Variants in CDH4 observed in about 807,000 individuals in gnomAD.
CDH4 encodes the protein cadherin 4.
CDH4 carries 33 observed loss-of-function variants against 86.0 expected under a neutral mutation model. The observed-to-expected ratio is 0.38, with a 90% CI of 0.29 to 0.51. CDH4 has a LOEUF of 0.51. Ranked by LOEUF, CDH4 falls within the 20% of genes least tolerant of loss-of-function variation. CDH4 has a pLI of 0.86. For missense variants in CDH4, 1,114 were observed against 1,307.4 expected, an observed-to-expected ratio of 0.85 and a Z score of 2.28; for synonymous variants, 555 against 549.4, an observed-to-expected ratio of 1.01 and a Z score of -0.14.
intron 2 of CDH4, among the ~76,000 whole-genome samples, chr20:61,611,392 C>T (rs77289049): frequency 0.031 from 4,781 of 152,090 alleles, 293 homozygotes; most frequent in African/African-American, 0.11. Flanking sequence ...GGAGCTGAGC[C>T]GGGAACCTGG....
intron 2 of CDH4, among the ~76,000 whole-genome samples, chr20:61,675,130 G>A (rs1243566024): frequency 6.6e-6 from 1 of 152,218 alleles, no homozygotes; most frequent in African/African-American, 2.4e-5. Flanking sequence ...ACAGGCTGCT[G>A]TTTTTTGGCA....
At chr20:61,379,834 A>G (rs1350720768) in intron 2 of CDH4, among the ~76,000 whole-genome samples, 1 of 152,232 alleles carries the variant, frequency 6.6e-6, no homozygotes, top group Non-Finnish European at 1.5e-5. Flanking sequence ...TGTCAACTCC[A>G]GGGATATTAA....
At chr20:61,494,395 T>C (rs1411019659) in intron 2 of CDH4, among the ~76,000 whole-genome samples, 9 of 152,236 alleles carry the variant, frequency 5.9e-5, no homozygotes, top group Admixed American at 5.9e-4. Context: ...TTTGAAGTTT[T>C]TTCATTTAAC....
intron 2 of CDH4, among the ~76,000 whole-genome samples, chr20:61,483,719 T>G (rs1017692847): frequency 9.2e-6 from 1 of 108,962 alleles, no homozygotes; most frequent in Admixed American, 1.5e-4. Flanking sequence ...ACAAATAGCC[T>G]AAGACCTAGT....
At chr20:61,296,315 G>C (rs1375137328) in intron 2 of CDH4, among the ~76,000 whole-genome samples, 1 of 150,524 alleles carries the variant, frequency 6.6e-6, no homozygotes, top group Non-Finnish European at 1.5e-5. Flanking sequence ...GCGTGTGTGT[G>C]CATGCGTGCG....
chr20:61,270,386 A>G lies in CDH4; in HGVS notation c.169+15449A>G, dbSNP rs949298579. Among the ~76,000 whole-genome samples, 4 of 152,360 alleles carry G rather than the reference A, an allele frequency of 2.6e-5. No individual in the cohort carries two copies. In the East Asian group the frequency reaches 5.8e-4, roughly 22 times the overall value. On this transcript the variant is annotated intron_variant, in intron 2 of 15. Transcript: ENST00000614565. ...CCCTCAGATACAAAGAAGGGATTATATAACTTGTTTTATCTAGTTCTTATA... is the reference window on the plus strand; with the variant it reads ...CCCTCAGATACAAAGAAGGGATTATGTAACTTGTTTTATCTAGTTCTTATA...
intron 2 of CDH4, among the ~76,000 whole-genome samples, chr20:61,442,799 G>T (rs766409699): frequency 7.2e-5 from 11 of 152,216 alleles, no homozygotes; most frequent in African/African-American, 2.7e-4. Context: ...AAATACACAC[G>T]TGTGGGAATG....
chr20:61,511,236 C>T (rs1313003552), intron 2 of CDH4, among the ~76,000 whole-genome samples: 3 of 152,166 alleles, frequency 2.0e-5, no homozygotes, highest in Non-Finnish European at 2.9e-5. Context: ...AATGTGTGCG[C>T]GTTAGAATCA....
intron 6 of CDH4, among the ~76,000 whole-genome samples, chr20:61,873,161 C>A (rs1202778810): frequency 1.3e-5 from 2 of 152,214 alleles, no homozygotes; most frequent in Admixed American, 6.5e-5. Flanking sequence ...AGGGCGCCCC[C>A]AGATGTGCTC....
intron 4 of CDH4, among the ~76,000 whole-genome samples, chr20:61,816,687 A>AT (rs1382361072): frequency 4.5e-5 from 5 of 110,012 alleles, no homozygotes; most frequent in Non-Finnish European, 7.0e-5. Context: ...CGCACGTTAA[A>AT]TGGGGGGGGG....
At position 61,777,880 on chromosome 20, in the gene CDH4, TAC is replaced by T. The variant is rs1978335952; in HGVS notation, c.576+4704_576+4705del. On this transcript the variant is annotated intron_variant, in intron 4 of 15. Coordinates refer to ENST00000614565, the MANE Select transcript of CDH4 (RefSeq NM_001794.5). ...CACATGCGCACGCACGTGCATACTA[TAC>T]ACACATGCACACACGTGCATGCAAT... is the stretch of plus-strand genomic sequence containing the variant. 2.0e-5 allele frequency among the ~76,000 whole-genome samples: 2 copies of T among 99,830 alleles called. 1 individual carries two copies. The highest frequency in any genetic ancestry group is 7.1e-5 in the African/African-American group (2 of 28,170). 65.5% of individuals were successfully genotyped at this position (99,830 alleles called of 152,430 possible).
intron 4 of CDH4, among the ~76,000 whole-genome samples, chr20:61,799,034 T>C (rs1043365801): frequency 8.5e-5 from 13 of 152,236 alleles, no homozygotes; most frequent in African/African-American, 3.1e-4. Context: ...TAAAAAGCTT[T>C]TAATGTATGT....
At chr20:61,868,128 A>G (rs997325634) in intron 6 of CDH4, among the ~76,000 whole-genome samples, 10 of 152,348 alleles carry the variant, frequency 6.6e-5, no homozygotes, top group African/African-American at 1.9e-4. Context: ...CAAGTCAGAC[A>G]TGTGGAGTTT....
At chr20:61,572,285 T>A (rs567677309) in intron 2 of CDH4, among the ~76,000 whole-genome samples, 1 of 152,318 alleles carries the variant, frequency 6.6e-6, no homozygotes, top group East Asian at 1.9e-4. Context: ...AGATAATACA[T>A]GATGTTATAT....
At chr20:61,568,021 G>A (rs2086313228) in intron 2 of CDH4, among the ~76,000 whole-genome samples, 1 of 152,134 alleles carries the variant, frequency 6.6e-6, no homozygotes, top group South Asian at 2.1e-4. Context: ...TAGTCATAGA[G>A]GAGATCAAAA....
chr20:61,934,167 C>A lies in CDH4; in HGVS notation c.2491C>A (p.Pro831Thr). ...ERPVGAEPQY[P>T]IRPMVPHPGD... ...GCCGGTGGGCGCTGAGCCCCAGTAC[C>A]CGATCAGGCCCATGGTGCCGCACCC... is the stretch of plus-strand genomic sequence containing the variant. The change falls in exon 15 of 16, where the codon CCG becomes ACG. Residue 831 changes from proline (P) to threonine (T), a missense_variant. By Grantham distance (38) the Pro-to-Thr change is conservative. This residue lies in a region of CDH4 where 188 missense variants were observed against 183.8 expected (regional missense o/e 1.02). Coordinates refer to ENST00000614565, the MANE Select transcript of CDH4 (RefSeq NM_001794.5). 2 of 1,605,884 alleles carry A rather than the reference C, an allele frequency of 1.2e-6. No homozygotes were observed. Among genetic ancestry groups the A allele is most frequent in the South Asian group, 2.2e-5 (2 of 90,536 alleles).
chr20:61,538,186 TG>T (rs2086012229), intron 2 of CDH4, among the ~76,000 whole-genome samples: 1 of 152,200 alleles, frequency 6.6e-6, no homozygotes, highest in Admixed American at 6.5e-5. Context: ...AGATATGTGG[TG>T]GGCACCCGTT....
At position 61,351,716 on chromosome 20, in the gene CDH4, T is replaced by G. The variant is rs183804308; in HGVS notation, c.169+96779T>G. On this transcript the variant is annotated intron_variant, in intron 2 of 15. Coordinates refer to ENST00000614565, the MANE Select transcript of CDH4 (RefSeq NM_001794.5). ...TACACTCCTTTAGTTATTTTTATTT[T>G]TATTTATCTTTTTTTTTTTTGAGAC... 5.1e-3 allele frequency among the ~76,000 whole-genome samples: 530 copies of G among 103,360 alleles called. 3 individuals are homozygous for G. Among genetic ancestry groups the G allele is most frequent in the African/African-American group, 0.024 (492 of 20,572 alleles). The allele number at this position is 103,360 out of a possible 152,430, so 67.8% of individuals were successfully genotyped here. A position where few individuals can be genotyped will look rare whatever the true frequency, so the allele number is the denominator to read the frequency against.
intron 2 of CDH4, among the ~76,000 whole-genome samples, chr20:61,296,263 G>A (rs1212726014): frequency 1.3e-4 from 1 of 7,988 alleles, no homozygotes; most frequent in Non-Finnish European, 1.3e-3. Context: ...GCATGTGTGC[G>A]TGTGTGTGTG....
Sources: allele counts gnomAD v4.1 joint callset (sites outside exome capture counted in the v4.1 genomes callset), GRCh38; gene constraint gnomAD v4.1.1; regional missense constraint gnomAD v4.1.1; transcripts MANE v1.5; gene names NCBI Gene and HGNC (gene_info 2026-07-23, HGNC 2026-07-21).